Variants in PRR5L observed in about 807,000 individuals in gnomAD.
The protein encoded by PRR5L is proline-rich protein 5-like.
In PRR5L, 21 loss-of-function variants were observed where a neutral mutation model predicts 36.4. That is an observed-to-expected ratio of 0.58 (90% CI 0.41 to 0.83). The LOEUF (loss-of-function observed/expected upper bound fraction) is 0.83. Among genes scored for constraint, PRR5L ranks in the 40% least tolerant of loss-of-function variants. PRR5L has a pLI of 0.00. For missense variants in PRR5L, 381 were observed against 473.3 expected, an observed-to-expected ratio of 0.80 and a Z score of 1.81; for synonymous variants, 188 against 197.0, an observed-to-expected ratio of 0.95 and a Z score of 0.38.
At chr11:36,394,308 G>A (rs970961195) in intron 1 of PRR5L, 2 of 152,204 alleles carry the variant, frequency 1.3e-5, no homozygotes, top group African/African-American at 4.8e-5. Flanking sequence ...CACCTATACA[G>A]TTCCAGGAAC....
intron 2 of PRR5L, among the ~76,000 whole-genome samples, chr11:36,402,538 C>G (rs1481113857): frequency 6.6e-6 from 1 of 152,186 alleles, no homozygotes; most frequent in African/African-American, 2.4e-5. Context: ...CCACTGTGCC[C>G]AGCCCATTAT....
chr11:36,304,959 A>G (rs575071787), intron 1 of PRR5L, among the ~76,000 whole-genome samples: 34 of 152,338 alleles, frequency 2.2e-4, no homozygotes, highest in African/African-American at 8.2e-4. Context: ...CTTTGCAAAC[A>G]GTCTGTGCAT....
chr11:36,347,872 A>G (rs1856883523), intron 1 of PRR5L, among the ~76,000 whole-genome samples: 1 of 152,006 alleles, frequency 6.6e-6, no homozygotes, highest in African/African-American at 2.4e-5. Context: ...CAGGGCCTGA[A>G]CTTTGGGATA....
intron 1 of PRR5L, among the ~76,000 whole-genome samples, chr11:36,369,131 G>A (rs1857173221): frequency 1.3e-5 from 2 of 152,202 alleles, no homozygotes; most frequent in Admixed American, 1.3e-4. Flanking sequence ...AGCACGTGGT[G>A]ATGATAATCT....
chr11:36,419,236 T>A lies in PRR5L; in HGVS notation c.246-19T>A. On this transcript the variant is annotated intron_variant, in intron 3 of 8. Transcript: ENST00000530639. ...ATCAAGGGCTGCTTGACGGTGTTTCTCTTCTCCCTTCTCCCCAGGCGGCTG... is the reference window on the plus strand; with the variant it reads ...ATCAAGGGCTGCTTGACGGTGTTTCACTTCTCCCTTCTCCCCAGGCGGCTG... 2 of 1,613,394 alleles carry A rather than the reference T, an allele frequency of 1.2e-6. No homozygotes were observed. Among genetic ancestry groups the A allele is most frequent in the Non-Finnish European group, 1.7e-6 (2 of 1,179,298 alleles).
intron 4 of PRR5L, among the ~76,000 whole-genome samples, chr11:36,423,641 G>A (rs1858318612): frequency 6.6e-6 from 1 of 152,230 alleles, no homozygotes; most frequent in Non-Finnish European, 1.5e-5. Context: ...TGGGTGAACA[G>A]AAAGTAGTAA....
intron 1 of PRR5L, chr11:36,376,854 G>A (rs1007944246): frequency 4.4e-6 from 2 of 454,640 alleles, no homozygotes; most frequent in Non-Finnish European, 5.8e-6. Context: ...GTTTGGGGGG[G>A]CAACCAGGTG....
chr11:36,366,844 C>T (rs1857148950), intron 1 of PRR5L, among the ~76,000 whole-genome samples: 1 of 152,104 alleles, frequency 6.6e-6, no homozygotes, highest in South Asian at 2.1e-4. Flanking sequence ...CTATCCTGGC[C>T]AGAATTCTTT....
Position 36,323,909 on chromosome 11 carries a change from A to G in PRR5L, c.-126+27471A>G, listed in dbSNP as rs957972950. ...TTTTAAAAAATTGAGCTAAAATTTA[A>G]AAGACTAATAATACCGTGTATTGGC... On this transcript the variant is annotated intron_variant, in intron 1 of 8. Transcript: ENST00000530639. 1.4e-4 allele frequency among the ~76,000 whole-genome samples: 22 copies of G among 152,192 alleles called. 1 individual carries two copies. The highest frequency in any genetic ancestry group is 5.3e-4 in the African/African-American group (22 of 41,446).
At chr11:36,316,478 A>G (rs1051673967) in intron 1 of PRR5L, among the ~76,000 whole-genome samples, 3 of 152,288 alleles carry the variant, frequency 2.0e-5, no homozygotes, top group African/African-American at 7.2e-5. Flanking sequence ...TTTAAAGAGA[A>G]TTTAGCAAGT....
At chr11:36,421,776 T>A (rs1858270714) in intron 4 of PRR5L, among the ~76,000 whole-genome samples, 1 of 133,902 alleles carries the variant, frequency 7.5e-6, no homozygotes, top group Non-Finnish European at 1.7e-5. Flanking sequence ...GCTCTCCTCT[T>A]TTATTTTCCT....
intron 7 of PRR5L, among the ~76,000 whole-genome samples, chr11:36,449,401 T>C (rs1858898656): frequency 6.6e-6 from 1 of 152,180 alleles, no homozygotes; most frequent in Non-Finnish European, 1.5e-5. Flanking sequence ...TTCAGCTCCG[T>C]CTTTTCTGTC....
intron 1 of PRR5L, among the ~76,000 whole-genome samples, chr11:36,388,700 T>TTTTC (rs1554991149): frequency 7.2e-6 from 1 of 138,196 alleles, no homozygotes; most frequent in African/African-American, 2.6e-5. Flanking sequence ...CTTTCTTTCT[T>TTTTC]TTTTTTTTTT....
chr11:36,341,058 G>A (rs753686473), intron 1 of PRR5L, among the ~76,000 whole-genome samples: 4 of 152,222 alleles, frequency 2.6e-5, no homozygotes, highest in Middle Eastern at 3.4e-3. Context: ...GATTCTCTCC[G>A]GGAAAGGCAG....
chr11:36,312,603 A>C (rs953160773), intron 1 of PRR5L, among the ~76,000 whole-genome samples: 3 of 152,220 alleles, frequency 2.0e-5, no homozygotes, highest in African/African-American at 7.2e-5. Context: ...GAATAAACCA[A>C]TGTTCAAGTC....
intron 1 of PRR5L, among the ~76,000 whole-genome samples, chr11:36,382,221 T>C (rs1457379704): frequency 2.0e-5 from 3 of 152,202 alleles, no homozygotes; most frequent in Non-Finnish European, 4.4e-5. Flanking sequence ...GGTTGTTGAA[T>C]GAGCCCTCAT....
chr11:36,399,607 T>C (rs976712415), intron 1 of PRR5L, among the ~76,000 whole-genome samples: 1 of 152,204 alleles, frequency 6.6e-6, no homozygotes, highest in Non-Finnish European at 1.5e-5. Flanking sequence ...GCATCATTAG[T>C]TTTTGGGACA....
At chr11:36,338,064 T>G (rs1856785101) in intron 1 of PRR5L, among the ~76,000 whole-genome samples, 1 of 152,218 alleles carries the variant, frequency 6.6e-6, no homozygotes, top group South Asian at 2.1e-4. Context: ...TCTTTAGAAC[T>G]TTGTCACGTG....
chr11:36,445,004 C>G (rs867866734), intron 6 of PRR5L, among the ~76,000 whole-genome samples: 1 of 152,182 alleles, frequency 6.6e-6, no homozygotes, highest in Non-Finnish European at 1.5e-5. Flanking sequence ...GTCAAAGTCT[C>G]TCATTATAAG....
Sources: allele counts gnomAD v4.1 joint callset (sites outside exome capture counted in the v4.1 genomes callset), GRCh38; gene constraint gnomAD v4.1.1; transcripts MANE v1.5; gene names NCBI Gene and HGNC (gene_info 2026-07-23, HGNC 2026-07-21).